The following CFAP46 variants were observed in gnomAD, a reference collection of about 807,000 sequenced individuals.
The protein encoded by CFAP46 is cilia and flagella associated protein 46, also known as cilia- and flagella-associated protein 46.
A neutral mutation model predicts 325.7 loss-of-function variants in CFAP46; 245 were observed. That is an observed-to-expected ratio of 0.75 (90% CI 0.68 to 0.84). The LOEUF (loss-of-function observed/expected upper bound fraction) is 0.84. Ranked by LOEUF, CFAP46 falls within the 40% of genes least tolerant of loss-of-function variation. The probability of loss-of-function intolerance (pLI) is 0.00; values close to 1 mark genes in which losing one functional copy is unlikely to be tolerated. For missense variants in CFAP46, 3,346 were observed against 3,543.0 expected, an observed-to-expected ratio of 0.94 and a Z score of 1.41; for synonymous variants, 1,523 against 1,495.9, an observed-to-expected ratio of 1.02 and a Z score of -0.42.
intron 34 of CFAP46, among the ~76,000 whole-genome samples, chr10:132,866,556 C>A (rs1564784413): frequency 1.3e-5 from 2 of 152,262 alleles, no homozygotes; most frequent in Non-Finnish European, 2.9e-5. Flanking sequence ...TGCGGCTGTG[C>A]ACCCGGCCTT....
chr10:132,810,526 C>G (rs1404338452), intron 56 of CFAP46, 37 bp from the exon 57 acceptor site: 1 of 1,582,698 alleles, frequency 6.3e-7, no homozygotes, highest in East Asian at 2.2e-5. Flanking sequence ...GGCATGGACA[C>G]CCTGGCAGCC....
chr10:132,905,010 T>A (rs1269069519), intron 22 of CFAP46, among the ~76,000 whole-genome samples: 1 of 152,210 alleles, frequency 6.6e-6, no homozygotes, highest in Non-Finnish European at 1.5e-5. Flanking sequence ...TGGTCCCCAC[T>A]GTGACCCTGG....
Position 132,851,341 on chromosome 10 carries a change from C to T in CFAP46, c.5575-36G>A, listed in dbSNP as rs770280209. 8 of 1,592,674 alleles carry T rather than the reference C, an allele frequency of 5.0e-6. No individual in the cohort carries two copies. The Admixed American group carries it at 1.2e-4, about 24-fold the overall frequency. ...CAGGCATGCCTCTGAAGCATGGAAG[C>T]TTCTGGTAAGCCTGAATCTACATCC... On this transcript the variant is annotated intron_variant, in intron 39 of 57. Transcript: ENST00000368586.
At chr10:132,818,525 G>A (rs1368414991) in intron 50 of CFAP46, among the ~76,000 whole-genome samples, 3 of 152,024 alleles carry the variant, frequency 2.0e-5, no homozygotes, top group South Asian at 2.1e-4. Flanking sequence ...TTTAAACAGC[G>A]CTGGAAGTCC....
chr10:132,850,502 T>C (rs536920891), intron 40 of CFAP46, 70 bp from the exon 41 acceptor site: 139 of 1,423,478 alleles, frequency 9.8e-5, no homozygotes, highest in Admixed American at 5.6e-4. Flanking sequence ...GGGGACCCAG[T>C]GAGCCCGCCC....
rs929873593 is a variant in CFAP46 at position 132,880,841 on chromosome 10, T to C, written c.3799+20A>G. 3.2e-6 allele frequency: 5 copies of C among 1,540,616 alleles called. No homozygotes were observed. The highest frequency in any genetic ancestry group is 2.4e-5 in the East Asian group (1 of 40,832). On this transcript the variant is annotated intron_variant, in intron 28 of 57. Coordinates refer to ENST00000368586, the MANE Select transcript of CFAP46 (RefSeq NM_001200049.3). Reference sequence around the variant, plus strand: ...GGGGAGCGGCGTGGGGTCGGCACCCTGCCAGCGGCGTGGGCTCACCATCCG... The same window carrying C: ...GGGGAGCGGCGTGGGGTCGGCACCCCGCCAGCGGCGTGGGCTCACCATCCG...
chr10:132,870,906 C>G (rs767463440), intron 32 of CFAP46, among the ~76,000 whole-genome samples: 9 of 152,218 alleles, frequency 5.9e-5, no homozygotes, highest in Non-Finnish European at 1.3e-4. Context: ...GAAGAAGATG[C>G]CTTCTAGGAC....
intron 50 of CFAP46, among the ~76,000 whole-genome samples, chr10:132,823,012 GTGTGTGC>G (rs1268750252): frequency 1.1e-3 from 150 of 132,660 alleles, no homozygotes; most frequent in Non-Finnish European, 1.5e-3. Context: ...GATGTGTGCT[GTGTGTGC>G]TGTGTGCTGT....
chr10:132,852,355 G>A (rs1848568775), intron 39 of CFAP46, among the ~76,000 whole-genome samples: 1 of 115,054 alleles, frequency 8.7e-6, no homozygotes, highest in Non-Finnish European at 1.9e-5. Context: ...ATCCACAGAC[G>A]TGGTATGTTC....
chr10:132,876,852 C>G lies in CFAP46; in HGVS notation c.4322G>C (p.Arg1441Thr). ...TGAGGGGTTCACAGTAGAGTCACTT[C>G]TGTCCTGTTTCAGTACAGACAGCAC... ...EEVLSVLKQD[R>T]SDSTVNPSSI... The change falls in exon 31 of 58, where the codon AGA (arginine) becomes ACA (threonine). Residue 1441 changes from arginine (R) to threonine (T), a missense_variant. Physicochemically the swap from Arg to Thr is moderately conservative, Grantham distance 71. Transcript: ENST00000368586. The surrounding 1 kb of genome is among the most constrained non-coding windows in gnomAD (Gnocchi z 4.1). 6.4e-7 allele frequency: 1 copy of G among 1,550,450 alleles called. No individual in the cohort carries two copies. The highest frequency in any genetic ancestry group is 8.7e-7 in the Non-Finnish European group (1 of 1,146,992).
Position 132,832,392 on chromosome 10 carries a change from C to A in CFAP46, c.7117+966G>T, listed in dbSNP as rs544794564. 1.7e-4 allele frequency among the ~76,000 whole-genome samples: 24 copies of A among 138,474 alleles called. No individual in the cohort carries two copies. The highest frequency in any genetic ancestry group is 2.8e-4 in the South Asian group (1 of 3,540). The allele number at this position is 138,474 out of a possible 152,430, so 90.8% of individuals were successfully genotyped here. ...GGAGACCCCTGGGCTCTTCCTGCCC[C>A]CCCCCCCCAATGCTGTGGCCTGGAA... On this transcript the variant is annotated intron_variant, in intron 50 of 57. Transcript: ENST00000368586. The surrounding 1 kb of genome is among the most constrained non-coding windows in gnomAD (Gnocchi z 4.1).
rs913197 is a variant in CFAP46, at chr10:132,810,761, C to G, written c.7583+189G>C. On this transcript the variant is annotated intron_variant, in intron 56 of 57. Coordinates refer to ENST00000368586, the MANE Select transcript of CFAP46 (RefSeq NM_001200049.3). ...CTCCCGTGGGCTGGTGCCAGGGGCC[C>G]GGCTGAGCCGCCCCCCTCCCCATGC... The G allele has an allele frequency of 1.1e-4, 81 of 734,044 alleles. 2 individuals carry two copies. In the African/African-American group the frequency reaches 1.2e-3, roughly 11 times the overall value. The allele number at this position is 734,044 out of a possible 1,614,324, so 45.5% of individuals were successfully genotyped here. A position where few individuals can be genotyped will look rare whatever the true frequency, so the allele number is the denominator to read the frequency against.
chr10:132,879,704 C>G (rs1218336615), intron 28 of CFAP46, 73 bp from the exon 29 acceptor site: 1 of 1,394,896 alleles, frequency 7.2e-7, no homozygotes, highest in South Asian at 1.5e-5. Context: ...ACTCCCTTCC[C>G]TGCCCGAGGC....
Position 132,876,954 on chromosome 10 carries a change from C to A in CFAP46, c.4220G>T (p.Ser1407Ile). The A allele has an allele frequency of 1.3e-6, 2 of 1,549,362 alleles. No individual in the cohort carries two copies. Among genetic ancestry groups the A allele is most frequent in the Non-Finnish European group, 1.7e-6 (2 of 1,146,558 alleles). The change falls in exon 31 of 58, where the codon AGC becomes ATC. Residue 1407 changes from serine to isoleucine, a missense_variant. Physicochemically the swap from Ser to Ile is moderately radical, Grantham distance 142 (BLOSUM62 -2). Transcript: ENST00000368586. This position sits in a 1 kb window ranked among gnomAD's most constrained non-coding sequence, Gnocchi z 4.1. Reference sequence around the variant, plus strand: ...TTCCAGTTGTTTGATAGGAGCTGGGCTTTGAGACTAGAAAGGCAAGAATAC... The same window carrying A: ...TTCCAGTTGTTTGATAGGAGCTGGGATTTGAGACTAGAAAGGCAAGAATAC... ...EKVKEPKQSQ[S>I]PAPIKQLEDL...
chr10:132,851,659 C>T (rs1037280365), intron 39 of CFAP46, among the ~76,000 whole-genome samples: 5 of 152,356 alleles, frequency 3.3e-5, no homozygotes, highest in East Asian at 3.9e-4. Flanking sequence ...GTAAAGTCAC[C>T]GTGAGACTCC....
chr10:132,908,304 C>T (rs572088521), intron 22 of CFAP46, 164 bp downstream of exon 22: 15 of 772,846 alleles, frequency 1.9e-5, no homozygotes, highest in East Asian at 2.8e-5. Flanking sequence ...CCTGGTGGGG[C>T]GCTCACACGC....
intron 9 of CFAP46, among the ~76,000 whole-genome samples, chr10:132,927,370 CGTCCCGGGG>C (rs1849827543): frequency 1.3e-5 from 2 of 151,048 alleles, no homozygotes; most frequent in African/African-American, 4.9e-5. Context: ...CAGACGCCTC[CGTCCCGGGG>C]AGCAGGTCCT....
chr10:132,824,435 G>A (rs1412562129), intron 50 of CFAP46, among the ~76,000 whole-genome samples: 11 of 120,846 alleles, frequency 9.1e-5, no homozygotes, highest in Admixed American at 3.2e-4. Context: ...GCTGATGTGT[G>A]CTGTGTGCTG....
Position 132,884,080 on chromosome 10 carries a change from G to C in CFAP46, c.3627+1023C>G, listed in dbSNP as rs1312965338. 6.6e-6 allele frequency among the ~76,000 whole-genome samples: 1 copy of C among 152,232 alleles called. No homozygotes were observed. Among genetic ancestry groups the C allele is most frequent in the East Asian group, 1.9e-4 (1 of 5,204 alleles). On this transcript the variant is annotated intron_variant, in intron 27 of 57. Transcript: ENST00000368586. The surrounding 1 kb of genome is among the most constrained non-coding windows in gnomAD (Gnocchi z 5.4). ...TCAAGGGTTTCTGCCCCGAGGCCCA[G>C]TGCAGCTCAGCTGGGTCCTGCCTTC...
Sources: allele counts gnomAD v4.1 joint callset (sites outside exome capture counted in the v4.1 genomes callset), GRCh38; gene constraint gnomAD v4.1.1; non-coding constraint Gnocchi (gnomAD v3.1); transcripts MANE v1.5; gene names NCBI Gene and HGNC (gene_info 2026-07-23, HGNC 2026-07-21).